The following TBCA variants were observed in gnomAD, a reference collection of about 807,000 sequenced individuals.
The protein encoded by TBCA is tubulin-specific chaperone A.
A neutral mutation model predicts 15.8 loss-of-function variants in TBCA; 6 were observed. The ratio of observed to expected loss-of-function variants is 0.38; its 90% CI spans 0.21 to 0.75. The LOEUF (loss-of-function observed/expected upper bound fraction) is 0.75. Among genes scored for constraint, TBCA ranks in the 30% least tolerant of loss-of-function variants. TBCA has a pLI of 0.46. For synonymous variants in TBCA, 32 were observed against 42.3 expected, an observed-to-expected ratio of 0.76 and a Z score of 0.94; for missense variants, 90 against 131.2, an observed-to-expected ratio of 0.69 and a Z score of 1.53.
chr5:77,742,179 A>G (rs1747053332), intron 1 of TBCA, among the ~76,000 whole-genome samples: 1 of 152,192 alleles, frequency 6.6e-6, no homozygotes, highest in South Asian at 2.1e-4. Flanking sequence ...CTGGCATTAT[A>G]TAATACTTAG....
chr5:77,763,823 T>A (rs1022097799), intron 1 of TBCA, among the ~76,000 whole-genome samples: 1 of 152,190 alleles, frequency 6.6e-6, no homozygotes, highest in African/African-American at 2.4e-5. Flanking sequence ...CAGCTTGAAC[T>A]AAGATACGCA....
At chr5:77,741,895 T>C (rs1203396201) in intron 1 of TBCA, among the ~76,000 whole-genome samples, 1 of 152,186 alleles carries the variant, frequency 6.6e-6, no homozygotes, top group Non-Finnish European at 1.5e-5. Flanking sequence ...TTTGACGAAC[T>C]GTGATCACTG....
intron 2 of TBCA, among the ~76,000 whole-genome samples, chr5:77,701,748 AAATAGCAAT>A (rs1258803342): frequency 2.1e-5 from 3 of 143,302 alleles, no homozygotes; most frequent in Admixed American, 7.0e-5. Flanking sequence ...ACTCAGCCAC[AAATAGCAAT>A]GAGTTAATGG....
At chr5:77,708,208 A>G in intron 2 of TBCA, 34 bp downstream of exon 2, 1 of 1,428,108 alleles carries the variant, frequency 7.0e-7, no homozygotes. Context: ...CATTCTGTAA[A>G]TGTTAGCTAT....
In TBCA at chr5:77,693,331, T is replaced by C; in HGVS notation, c.181A>G (p.Arg61Gly). The C allele has an allele frequency of 6.2e-7, 1 of 1,612,668 alleles. No homozygotes were observed. The highest frequency in any genetic ancestry group is 8.5e-7 in the Non-Finnish European group (1 of 1,179,608). The change falls in exon 3 of 4, where the codon AGG (arginine) becomes GGG (glycine). Residue 61 changes from arginine (R) to glycine (G), a missense_variant. By Grantham distance (125) the Arg-to-Gly change is moderately radical. Coordinates refer to ENST00000380377, the MANE Select transcript of TBCA (RefSeq NM_004607.3). ...CGCTGGCAATCTGGGATCATCATCCTGGATTCTTGTAGGATCTCTGCCTAG... is the reference window on the plus strand; with the variant it reads ...CGCTGGCAATCTGGGATCATCATCCCGGATTCTTGTAGGATCTCTGCCTAG... Reference protein sequence around the residue: ...KKQAEILQESRMMIPDCQRRL... With the variant: ...KKQAEILQESGMMIPDCQRRL...
chr5:77,733,550 G>C (rs1746825125), intron 1 of TBCA, among the ~76,000 whole-genome samples: 1 of 152,226 alleles, frequency 6.6e-6, no homozygotes, highest in Non-Finnish European at 1.5e-5. Flanking sequence ...GCTGAATCCA[G>C]AGCGAGGCCT....
chr5:77,696,103 A>G (rs1745866083), intron 2 of TBCA, among the ~76,000 whole-genome samples: 1 of 152,214 alleles, frequency 6.6e-6, no homozygotes, highest in African/African-American at 2.4e-5. Context: ...GGCCAATGTC[A>G]ATCAAGCTCT....
chr5:77,716,618 T>C (rs1382173271), intron 1 of TBCA, among the ~76,000 whole-genome samples: 2 of 152,200 alleles, frequency 1.3e-5, no homozygotes, highest in Non-Finnish European at 2.9e-5. Flanking sequence ...TAACTACTAA[T>C]TCAAAATTAA....
chr5:77,699,053 A>AG (rs1487183037), intron 2 of TBCA, among the ~76,000 whole-genome samples: 1 of 150,798 alleles, frequency 6.6e-6, no homozygotes, highest in Non-Finnish European at 1.5e-5. Context: ...AAAAAAAAAA[A>AG]AAAAAGAAAT....
intron 2 of TBCA, 46 bp downstream of exon 2, chr5:77,708,196 G>A (rs1313607276): frequency 2.3e-6 from 3 of 1,309,792 alleles, no homozygotes; most frequent in African/African-American, 2.9e-5. Context: ...TAGTTAATAT[G>A]GCATTCTGTA....
intron 1 of TBCA, among the ~76,000 whole-genome samples, chr5:77,716,590 G>A (rs1746403671): frequency 6.6e-6 from 1 of 152,144 alleles, no homozygotes; most frequent in Non-Finnish European, 1.5e-5. Flanking sequence ...ACAGGTACTA[G>A]TATTATTCCC....
intron 1 of TBCA, among the ~76,000 whole-genome samples, chr5:77,725,531 A>C (rs1402692879): frequency 2.0e-5 from 3 of 152,326 alleles, no homozygotes; most frequent in African/African-American, 4.8e-5. Flanking sequence ...CGCTATTGAT[A>C]ATGATTCTCG....
intron 1 of TBCA, among the ~76,000 whole-genome samples, chr5:77,768,424 T>G (rs1747834419): frequency 6.6e-6 from 1 of 152,216 alleles, no homozygotes; most frequent in South Asian, 2.1e-4. Context: ...GTGTAGTAAG[T>G]GGAGCCTGGG....
At position 77,729,131 on chromosome 5, in the gene TBCA, T is replaced by C. The variant is rs557118935; in HGVS notation, c.54-20784A>G. Among the ~76,000 whole-genome samples the C allele has an allele frequency of 1.4e-3, 220 of 152,128 alleles. 1 individual carries two copies. Among genetic ancestry groups the C allele is most frequent in the Non-Finnish European group, 2.6e-3 (176 of 67,980 alleles). On this transcript the variant is annotated intron_variant, in intron 1 of 3. Coordinates refer to ENST00000380377, the MANE Select transcript of TBCA (RefSeq NM_004607.3). Reference sequence around the variant, plus strand: ...GAGTTCAAGACCAGCCTGGTCAACATGGTGAAACCTCATCTCTACTAAAAA... The same window carrying C: ...GAGTTCAAGACCAGCCTGGTCAACACGGTGAAACCTCATCTCTACTAAAAA...
chr5:77,714,287 T>C (rs1365966058), intron 1 of TBCA, among the ~76,000 whole-genome samples: 1 of 151,980 alleles, frequency 6.6e-6, no homozygotes, highest in African/African-American at 2.4e-5. Flanking sequence ...ACCACTGCAT[T>C]CCAGCCTGGG....
chr5:77,770,957 T>A (rs1747896119), intron 1 of TBCA, among the ~76,000 whole-genome samples: 1 of 151,810 alleles, frequency 6.6e-6, no homozygotes, highest in Admixed American at 6.6e-5. Context: ...CAAAACCCTG[T>A]CTCTACTAAA....
rs536951569 is a variant in TBCA at position 77,774,601 on chromosome 5, G to A, written c.53+1604C>T. Among the ~76,000 whole-genome samples, 16 of 152,200 alleles carry A rather than the reference G, an allele frequency of 1.1e-4. No homozygotes were observed. The South Asian group carries it at 3.3e-3, about 32-fold the overall frequency. ...TTGGAACTGTCCCCAGCCCGCTTTG[G>A]GTTGTCCTGCCTTTCCAGATCAAAC... On this transcript the variant is annotated intron_variant, in intron 1 of 3. Transcript: ENST00000380377.
At chr5:77,757,859 G>A (rs573703103) in intron 1 of TBCA, among the ~76,000 whole-genome samples, 1 of 152,174 alleles carries the variant, frequency 6.6e-6, no homozygotes, top group South Asian at 2.1e-4. Flanking sequence ...ATATTTTAGA[G>A]AGATACAAGG....
chr5:77,760,710 C>T (rs1235784795), intron 1 of TBCA, among the ~76,000 whole-genome samples: 5 of 152,190 alleles, frequency 3.3e-5, no homozygotes, highest in African/African-American at 7.2e-5. Context: ...GACGGAGTCT[C>T]GCTCACTCAG....
Sources: allele counts gnomAD v4.1 joint callset (sites outside exome capture counted in the v4.1 genomes callset), GRCh38; gene constraint gnomAD v4.1.1; transcripts MANE v1.5; gene names NCBI Gene and HGNC (gene_info 2026-07-23, HGNC 2026-07-21).